The following CADM1 variants were observed in gnomAD, a reference collection of about 807,000 sequenced individuals.
CADM1 encodes the protein TSLC-1.
Under a neutral mutation model 53.1 loss-of-function variants are expected in CADM1, and 15 were observed. The ratio of observed to expected loss-of-function variants is 0.28; its 90% CI spans 0.19 to 0.44. The LOEUF is 0.44. CADM1 is among the 20% of genes least tolerant of loss of function. CADM1 has a pLI of 1.00. For missense variants in CADM1, 434 were observed against 611.3 expected (o/e 0.71, Z 3.06); for synonymous variants, 281 against 243.0 (o/e 1.16, Z -1.45).
chr11:115,191,008 C>G (rs1367307773), intron 9 of CADM1, 67 bp from the exon 10 acceptor site: 52 of 1,313,756 alleles, frequency 4.0e-5, no homozygotes, highest in Non-Finnish European at 5.3e-5. Flanking sequence ...CACTTAAGAA[C>G]TGAGGATGAA....
intron 1 of CADM1, among the ~76,000 whole-genome samples, chr11:115,348,438 G>C (rs980738457): frequency 6.6e-6 from 1 of 152,112 alleles, no homozygotes; most frequent in Non-Finnish European, 1.5e-5. Flanking sequence ...GATTAGCTCC[G>C]TGTAGTTTAA....
chr11:115,327,277 G>C (rs72996052), intron 1 of CADM1, among the ~76,000 whole-genome samples: 19,708 of 151,910 alleles, frequency 0.13, 1,383 homozygotes, highest in Middle Eastern at 0.17. Flanking sequence ...CAGGAATTTC[G>C]ACCCAAGCCT....
intron 1 of CADM1, among the ~76,000 whole-genome samples, chr11:115,418,233 A>T (rs995039019): frequency 6.6e-6 from 1 of 152,074 alleles, no homozygotes; most frequent in African/African-American, 2.4e-5. Flanking sequence ...TAATCCGAAA[A>T]AGAAAATGAA....
intron 1 of CADM1, among the ~76,000 whole-genome samples, chr11:115,407,873 T>TAA (rs148209064): frequency 0.077 from 2,451 of 31,714 alleles, 290 homozygotes; most frequent in East Asian, 0.17. Flanking sequence ...CCCTGTCATT[T>TAA]AAAAAAAAAA....
chr11:115,254,879 G>C (rs910910741), intron 1 of CADM1, among the ~76,000 whole-genome samples: 1 of 152,170 alleles, frequency 6.6e-6, no homozygotes, highest in Non-Finnish European at 1.5e-5. Flanking sequence ...GTAATCAATA[G>C]GGGGCCATTA....
At chr11:115,368,108 GTC>G (rs1359175221) in intron 1 of CADM1, among the ~76,000 whole-genome samples, 48 of 112,972 alleles carry the variant, frequency 4.2e-4, no homozygotes, top group Admixed American at 9.7e-4. Flanking sequence ...TATCACTAGA[GTC>G]TTTTTTTTTT....
At chr11:115,372,224 AG>A (rs954755018) in intron 1 of CADM1, among the ~76,000 whole-genome samples, 2 of 152,194 alleles carry the variant, frequency 1.3e-5, no homozygotes, top group African/African-American at 4.8e-5. Context: ...TATGAGCCAA[AG>A]TTTTCCCTTT....
intron 1 of CADM1, among the ~76,000 whole-genome samples, chr11:115,403,317 A>G (rs1209394671): frequency 6.6e-6 from 1 of 152,212 alleles, no homozygotes; most frequent in East Asian, 1.9e-4. Flanking sequence ...ACAGTCACAG[A>G]TTAAAGAGAC....
chr11:115,402,520 C>T (rs968436839), intron 1 of CADM1, among the ~76,000 whole-genome samples: 2 of 151,942 alleles, frequency 1.3e-5, no homozygotes, highest in Non-Finnish European at 2.9e-5. Context: ...GAGACTCTGT[C>T]TCAAAAACAA....
At chr11:115,470,689 G>A (rs1948991551) in intron 1 of CADM1, among the ~76,000 whole-genome samples, 1 of 152,116 alleles carries the variant, frequency 6.6e-6, no homozygotes, top group African/African-American at 2.4e-5. Flanking sequence ...AACTGCTTTT[G>A]TGGAATGATT....
At chr11:115,425,378 C>T (rs45458294) in intron 1 of CADM1, among the ~76,000 whole-genome samples, 5,605 of 152,292 alleles carry the variant, frequency 0.037, 159 homozygotes, top group South Asian at 0.074. Context: ...TCCACATTAG[C>T]TGTGATTTTA....
chr11:115,259,666 G>A (rs1942912516), intron 1 of CADM1, among the ~76,000 whole-genome samples: 1 of 151,994 alleles, frequency 6.6e-6, no homozygotes, highest in Non-Finnish European at 1.5e-5. Context: ...CAGAGCTACG[G>A]TCTCTACCTC....
chr11:115,404,347 ATATATATATATATATATATATAT>A (rs771054199), intron 1 of CADM1, among the ~76,000 whole-genome samples: 20,538 of 43,638 alleles, frequency 0.47, 5,365 homozygotes, highest in Middle Eastern at 0.55. Context: ...AAAAAAAAAA[ATATATATATATATATATATATAT>A]ATATATATAT....
At chr11:115,271,303 G>C (rs1053259572) in intron 1 of CADM1, among the ~76,000 whole-genome samples, 1 of 151,914 alleles carries the variant, frequency 6.6e-6, no homozygotes, top group Non-Finnish European at 1.5e-5. Context: ...TTGTTTTTGA[G>C]ACAGAGTGTC....
At chr11:115,232,145 A>G (rs1264603127) in intron 3 of CADM1, among the ~76,000 whole-genome samples, 2 of 152,232 alleles carry the variant, frequency 1.3e-5, no homozygotes, top group Non-Finnish European at 2.9e-5. Context: ...TGCTATTGAA[A>G]TGATCATCCT....
At chr11:115,460,041 G>C (rs1337579333) in intron 1 of CADM1, among the ~76,000 whole-genome samples, 2 of 152,136 alleles carry the variant, frequency 1.3e-5, no homozygotes, top group African/African-American at 2.4e-5. Flanking sequence ...AAGCAGATCT[G>C]AACACCTAGC....
chr11:115,374,638 T>G (rs1156534263), intron 1 of CADM1, among the ~76,000 whole-genome samples: 1 of 152,200 alleles, frequency 6.6e-6, no homozygotes, highest in Non-Finnish European at 1.5e-5. Context: ...ATTCTTACCC[T>G]TTATACCCTC....
At chr11:115,279,987 A>G (rs776026726) in intron 1 of CADM1, among the ~76,000 whole-genome samples, 4 of 152,204 alleles carry the variant, frequency 2.6e-5, no homozygotes, top group Admixed American at 6.5e-5. Flanking sequence ...GCCCCTTCTC[A>G]TCAAAGGACA....
chr11:115,381,045 ATCCCACT>A (rs1776503313), intron 1 of CADM1, among the ~76,000 whole-genome samples: 1 of 152,118 alleles, frequency 6.6e-6, no homozygotes, highest in Admixed American at 6.5e-5. Context: ...TCATGCCTGA[ATCCCACT>A]TCGGGATTCT....
Sources: allele counts gnomAD v4.1 joint callset (sites outside exome capture counted in the v4.1 genomes callset), GRCh38; gene constraint gnomAD v4.1.1; transcripts MANE v1.5; gene names NCBI Gene and HGNC (gene_info 2026-07-23, HGNC 2026-07-21).